The following ERC2 variants were observed in gnomAD, a reference collection of about 807,000 sequenced individuals.
ERC2 encodes ELKS/RAB6-interacting/CAST family member 2.
Under a neutral mutation model 114.8 loss-of-function variants are expected in ERC2, and 42 were observed. That is an observed-to-expected ratio of 0.37 (90% CI 0.29 to 0.47). The LOEUF is 0.47. Among genes scored for constraint, ERC2 ranks in the 20% least tolerant of loss-of-function variants. ERC2 has a pLI of 0.99. For synonymous variants in ERC2, 454 were observed against 425.5 expected (o/e 1.07, Z -0.82); for missense variants, 939 against 1,150.7 (o/e 0.82, Z 2.66).
rs546844038 is a variant in ERC2 at position 56,007,997 on chromosome 3, T to G, written c.1921-676A>C. ...AAACCAACAGGCTCCACATATAGTTTGAATTCCAAAAACTACAGAAATAAA... is the reference window on the plus strand; with the variant it reads ...AAACCAACAGGCTCCACATATAGTTGGAATTCCAAAAACTACAGAAATAAA... On this transcript the variant is annotated intron_variant, in intron 9 of 17. Coordinates refer to ENST00000288221, the MANE Select transcript of ERC2 (RefSeq NM_015576.3). Among the ~76,000 whole-genome samples the G allele has an allele frequency of 4.6e-5, 7 of 152,248 alleles. No homozygotes were observed. The East Asian group carries it at 1.2e-3, about 25-fold the overall frequency.
At chr3:55,791,111 T>A (rs771136429) in intron 14 of ERC2, among the ~76,000 whole-genome samples, 3 of 152,200 alleles carry the variant, frequency 2.0e-5, no homozygotes, top group Non-Finnish European at 4.4e-5. Flanking sequence ...TTCATGTAAT[T>A]CTTTGTGACT....
intron 2 of ERC2, among the ~76,000 whole-genome samples, chr3:56,398,844 C>G (rs2060414625): frequency 6.6e-6 from 1 of 152,172 alleles, no homozygotes; most frequent in African/African-American, 2.4e-5. Flanking sequence ...GCCTTGAACT[C>G]TTAGCCTCAG....
chr3:56,143,823 A>G (rs561066874), intron 5 of ERC2, among the ~76,000 whole-genome samples: 8 of 152,384 alleles, frequency 5.2e-5, no homozygotes, highest in Non-Finnish European at 1.2e-4. Flanking sequence ...AATATATTTC[A>G]TTCAGTATTT....
intron 3 of ERC2, among the ~76,000 whole-genome samples, chr3:56,277,520 C>A (rs568225185): frequency 6.6e-6 from 1 of 152,182 alleles, no homozygotes; most frequent in African/African-American, 2.4e-5. Context: ...CTCTCCAATA[C>A]CTCCACCCTC....
intron 15 of ERC2, among the ~76,000 whole-genome samples, chr3:55,703,328 T>C (rs2063321959): frequency 6.6e-6 from 1 of 152,212 alleles, no homozygotes; most frequent in Non-Finnish European, 1.5e-5. Flanking sequence ...GTCCCAGCCT[T>C]GGGACATGCT....
intron 17 of ERC2, among the ~76,000 whole-genome samples, chr3:55,545,447 G>A (rs2054675505): frequency 6.6e-6 from 1 of 152,220 alleles, no homozygotes; most frequent in African/African-American, 2.4e-5. Context: ...GGGCTGCTGT[G>A]CGTCGGATCA....
intron 7 of ERC2, among the ~76,000 whole-genome samples, chr3:56,073,341 G>A (rs1444665385): frequency 1.3e-5 from 2 of 152,154 alleles, no homozygotes; most frequent in African/African-American, 4.8e-5. Context: ...GGGCAGAGGT[G>A]TCCTCTGCAT....
chr3:56,215,117 G>T (rs1200232654), intron 3 of ERC2, among the ~76,000 whole-genome samples: 2 of 152,162 alleles, frequency 1.3e-5, no homozygotes, highest in Non-Finnish European at 2.9e-5. Context: ...ACATCATAAT[G>T]ACAGGATCAA....
intron 3 of ERC2, among the ~76,000 whole-genome samples, chr3:56,272,675 C>T (rs1214614801): frequency 6.6e-6 from 1 of 152,176 alleles, no homozygotes; most frequent in African/African-American, 2.4e-5. Flanking sequence ...GAGGCTGAGG[C>T]AGAAGAATCG....
At chr3:56,051,638 C>T (rs1018438334) in intron 7 of ERC2, among the ~76,000 whole-genome samples, 16 of 152,088 alleles carry the variant, frequency 1.1e-4, no homozygotes, top group African/African-American at 2.7e-4. Flanking sequence ...CAACACCATA[C>T]ACTGGGCAGC....
At chr3:56,373,396 T>G (rs1221897490) in intron 2 of ERC2, among the ~76,000 whole-genome samples, 1 of 152,194 alleles carries the variant, frequency 6.6e-6, no homozygotes, top group Non-Finnish European at 1.5e-5. Context: ...AGGAGGAATT[T>G]GAAAGTCAGT....
At chr3:56,103,158 G>T in intron 6 of ERC2, among the ~76,000 whole-genome samples, 1 of 152,060 alleles carries the variant, frequency 6.6e-6, no homozygotes, top group East Asian at 1.9e-4. Context: ...TCAGGGAAGG[G>T]GAAAGGATAA....
At chr3:56,433,706 GA>G (rs755806743) in intron 2 of ERC2, 1 of 152,590 alleles carries the variant, frequency 6.6e-6, no homozygotes, top group Non-Finnish European at 1.5e-5. Context: ...CCTGTGGCAT[GA>G]AGGATGGATC....
intron 3 of ERC2, among the ~76,000 whole-genome samples, chr3:56,184,745 G>T (rs1469803475): frequency 5.9e-5 from 9 of 152,128 alleles, no homozygotes; most frequent in Admixed American, 1.3e-4. Context: ...TTTTAACAGG[G>T]ATCTGAATCT....
chr3:56,453,081 T>C (rs760825283), intron 1 of ERC2, among the ~76,000 whole-genome samples: 17 of 152,234 alleles, frequency 1.1e-4, no homozygotes, highest in South Asian at 2.1e-4. Flanking sequence ...CTTTAGCCCA[T>C]GCATTAAATT....
At chr3:56,453,912 T>C (rs934556127) in intron 1 of ERC2, among the ~76,000 whole-genome samples, 1 of 152,118 alleles carries the variant, frequency 6.6e-6, no homozygotes, top group Non-Finnish European at 1.5e-5. Context: ...GTATGATCAG[T>C]ACACATGTGA....
chr3:56,077,489 T>C (rs2077028740), intron 7 of ERC2, among the ~76,000 whole-genome samples: 1 of 152,342 alleles, frequency 6.6e-6, no homozygotes, highest in South Asian at 2.1e-4. Context: ...TCCCAAACTT[T>C]TGAGTCTGGC....
At chr3:56,066,678 T>C (rs1385586689) in intron 7 of ERC2, among the ~76,000 whole-genome samples, 2 of 152,234 alleles carry the variant, frequency 1.3e-5, no homozygotes, top group African/African-American at 4.8e-5. Flanking sequence ...AGGGTTTTTA[T>C]GGTTTGGGGT....
intron 6 of ERC2, among the ~76,000 whole-genome samples, chr3:56,132,525 A>T (rs1160092501): frequency 6.6e-6 from 1 of 152,088 alleles, no homozygotes; most frequent in Non-Finnish European, 1.5e-5. Flanking sequence ...AAATTCATTT[A>T]ATTTGGGAGG....
Sources: allele counts gnomAD v4.1 joint callset (sites outside exome capture counted in the v4.1 genomes callset), GRCh38; gene constraint gnomAD v4.1.1; transcripts MANE v1.5; gene names NCBI Gene and HGNC (gene_info 2026-07-23, HGNC 2026-07-21).